NCKAP5: variants seen among roughly 807,000 people sequenced by gnomAD.
NCKAP5 encodes nck-associated protein 5.
A neutral mutation model predicts 167.0 loss-of-function variants in NCKAP5; 92 were observed. That is an observed-to-expected ratio of 0.55 (90% CI 0.47 to 0.66). The LOEUF (loss-of-function observed/expected upper bound fraction) is 0.66, where lower values mean the gene tolerates loss of function less well. Ranked by LOEUF, NCKAP5 falls within the 30% of genes least tolerant of loss-of-function variation. The pLI, the probability that NCKAP5 is intolerant of heterozygous loss-of-function variation, is 0.00. For missense variants in NCKAP5, 2,378 were observed against 2,315.0 expected, an observed-to-expected ratio of 1.03 and a Z score of -0.56; for synonymous variants, 891 against 877.4, an observed-to-expected ratio of 1.02 and a Z score of -0.27.
At chr2:133,328,243 C>T (rs1296894448) in intron 3 of NCKAP5, among the ~76,000 whole-genome samples, 4 of 152,188 alleles carry the variant, frequency 2.6e-5, no homozygotes, top group Non-Finnish European at 5.9e-5. Flanking sequence ...ATCCTGTTCT[C>T]AGTCCCCCAA....
intron 5 of NCKAP5, among the ~76,000 whole-genome samples, chr2:133,194,537 T>C (rs936382336): frequency 6.6e-6 from 1 of 152,130 alleles, no homozygotes; most frequent in Non-Finnish European, 1.5e-5. Context: ...AGGACACTGA[T>C]GTTACGATTT....
rs748213116 is a variant in NCKAP5 at position 132,782,508 on chromosome 2, T to C, written c.4303A>G (p.Ser1435Gly). ...LQSPGRTQHP[S>G]TFETSSTSKL... is the part of the protein sequence containing the mutation. The stretch of plus-strand genomic sequence containing the variant: ...GATGTACTGCTTGTTTCAAAAGTGC[T>C]TGGATGCTGAGTCCTCCCTGGGCTC... Residue 1435 changes from serine (S) to glycine (G), a missense_variant, in exon 14 of 20, where the codon AGC becomes GGC. Ser to Gly is a moderately conservative substitution (Grantham distance 56). Transcript: ENST00000409261. The C allele has an allele frequency of 6.2e-7, 1 of 1,605,630 alleles. No homozygotes were observed. The highest frequency in any genetic ancestry group is 1.7e-5 in the Admixed American group (1 of 59,090).
At chr2:133,151,803 A>G (rs1343155946) in intron 5 of NCKAP5, among the ~76,000 whole-genome samples, 1 of 152,184 alleles carries the variant, frequency 6.6e-6, no homozygotes, top group Middle Eastern at 3.2e-3. Flanking sequence ...TTACATCCAC[A>G]CAAAAAAAAT....
In NCKAP5 at chr2:132,913,129, TG is replaced by T. The variant is rs772652526; in HGVS notation, c.580-34214del. On this transcript the variant is annotated intron_variant, in intron 8 of 19. Coordinates refer to ENST00000409261, the MANE Select transcript of NCKAP5 (RefSeq NM_207363.3). Reference sequence around the variant, plus strand: ...AGGGCCTTTCAGCTATGATATGCCCTGGTGATCGTAGCTGAATCATTTATTG... The same window carrying T: ...AGGGCCTTTCAGCTATGATATGCCCTGTGATCGTAGCTGAATCATTTATTG... Among the ~76,000 whole-genome samples the T allele has an allele frequency of 7.2e-5, 11 of 152,002 alleles. 1 individual carries two copies. Among genetic ancestry groups the T allele is most frequent in the Non-Finnish European group, 1.3e-4 (9 of 67,962 alleles).
At chr2:132,800,292 T>C (rs1684924826) in intron 11 of NCKAP5, among the ~76,000 whole-genome samples, 1 of 152,160 alleles carries the variant, frequency 6.6e-6, no homozygotes, top group Non-Finnish European at 1.5e-5. Context: ...CTGAATAAAA[T>C]CTCATCTGAA....
chr2:133,251,376 A>T lies in NCKAP5; in HGVS notation c.144-37597T>A, dbSNP rs367550806. Reference sequence around the variant, plus strand: ...GTGGAGTGGAAAAGAAAACAGACAAATTTTTTTTTTACCCAGACCCTAAAA... The same window carrying T: ...GTGGAGTGGAAAAGAAAACAGACAATTTTTTTTTTTACCCAGACCCTAAAA... On this transcript the variant is annotated intron_variant, in intron 4 of 19. Coordinates refer to ENST00000409261, the MANE Select transcript of NCKAP5 (RefSeq NM_207363.3). Among the ~76,000 whole-genome samples, 88 of 150,164 alleles carry T rather than the reference A, an allele frequency of 5.9e-4. No individual in the cohort carries two copies. In the East Asian group the frequency reaches 6.7e-3, roughly 11 times the overall value.
chr2:133,058,486 C>G (rs956912321), intron 6 of NCKAP5, among the ~76,000 whole-genome samples: 3 of 152,164 alleles, frequency 2.0e-5, no homozygotes, highest in African/African-American at 7.2e-5. Flanking sequence ...TTCCAACCCT[C>G]ATGAATGACT....
chr2:133,347,305 G>C (rs1684045709), intron 3 of NCKAP5, among the ~76,000 whole-genome samples: 1 of 152,102 alleles, frequency 6.6e-6, no homozygotes, highest in South Asian at 2.1e-4. Context: ...TGTAATCCCA[G>C]CACTTTGGGA....
chr2:133,602,646 T>C, the NCKAP5 span, among the ~76,000 whole-genome samples: 8 of 152,210 alleles, frequency 5.3e-5, no homozygotes, highest in African/African-American at 1.7e-4. Flanking sequence ...GTTTTACAAC[T>C]GCTCAACTCT....
At chr2:132,859,799 G>A (rs1216069834) in intron 11 of NCKAP5, among the ~76,000 whole-genome samples, 5 of 152,174 alleles carry the variant, frequency 3.3e-5, no homozygotes, top group African/African-American at 4.8e-5. Context: ...GGATCACAAA[G>A]ATCGGAAACA....
the NCKAP5 span, among the ~76,000 whole-genome samples, chr2:133,661,963 A>G: frequency 2.6e-5 from 4 of 151,948 alleles, no homozygotes; most frequent in Non-Finnish European, 5.9e-5. Context: ...TATAACTAGA[A>G]CTAACTTATA....
chr2:133,125,724 A>G (rs777823668), intron 6 of NCKAP5, among the ~76,000 whole-genome samples: 18 of 152,286 alleles, frequency 1.2e-4, no homozygotes, highest in South Asian at 6.2e-4. Context: ...TTCTTTATCC[A>G]TATTTACATT....
At chr2:133,113,844 G>A (rs911840709) in intron 6 of NCKAP5, among the ~76,000 whole-genome samples, 1 of 152,192 alleles carries the variant, frequency 6.6e-6, no homozygotes, top group Non-Finnish European at 1.5e-5. Flanking sequence ...CTGGGGGTGA[G>A]AGAAGAAAGG....
At chr2:132,805,143 A>C in intron 11 of NCKAP5, among the ~76,000 whole-genome samples, 1 of 152,136 alleles carries the variant, frequency 6.6e-6, no homozygotes, top group East Asian at 1.9e-4. Context: ...GTGAACACTT[A>C]TCGAGCTCTT....
chr2:133,630,072 A>G, the NCKAP5 span, among the ~76,000 whole-genome samples: 8,571 of 152,200 alleles, frequency 0.056, 756 homozygotes, highest in African/African-American at 0.19. Flanking sequence ...AGGTGCAGCA[A>G]ACCACCATGG....
At chr2:133,607,134 A>G in the NCKAP5 span, among the ~76,000 whole-genome samples, 1 of 152,368 alleles carries the variant, frequency 6.6e-6, no homozygotes, top group Non-Finnish European at 1.5e-5. Flanking sequence ...CAGTATGTGT[A>G]CCACATAAAA....
chr2:133,659,668 A>G, the NCKAP5 span, among the ~76,000 whole-genome samples: 1 of 152,192 alleles, frequency 6.6e-6, no homozygotes. Context: ...TAATGTGTAC[A>G]AGGTTCCTTT....
the NCKAP5 span, among the ~76,000 whole-genome samples, chr2:133,663,267 C>G: frequency 7.9e-6 from 1 of 126,866 alleles, no homozygotes; most frequent in Non-Finnish European, 1.6e-5. Flanking sequence ...AGCGAGACTC[C>G]GTCTCAAAAA....
At chr2:133,638,229 A>G in the NCKAP5 span, among the ~76,000 whole-genome samples, 1 of 152,232 alleles carries the variant, frequency 6.6e-6, no homozygotes, top group Non-Finnish European at 1.5e-5. Flanking sequence ...GAAACTTTTA[A>G]ATAGACAGGT....
Sources: gnomAD v4.1 joint callset for allele counts (sites outside exome capture counted in the v4.1 genomes callset) on GRCh38, gnomAD v4.1.1 for gene constraint, MANE v1.5 for transcripts, NCBI Gene and HGNC (gene_info 2026-07-23, HGNC 2026-07-21) for gene names.